Variants in ACLY observed in about 807,000 individuals in gnomAD.
The protein encoded by ACLY is ATP citrate lyase.
Under a neutral mutation model 133.0 loss-of-function variants are expected in ACLY, and 41 were observed. The ratio of observed to expected loss-of-function variants is 0.31; its 90% confidence interval spans 0.24 to 0.40. The LOEUF (loss-of-function observed/expected upper bound fraction) is 0.40, where lower values mean the gene tolerates loss of function less well. Ranked by LOEUF, ACLY falls within the 10% of genes least tolerant of loss-of-function variation. The pLI is 1.00. For synonymous variants in ACLY, 495 were observed against 549.3 expected (o/e 0.90, Z 1.38); for missense variants, 1,046 against 1,453.8 (o/e 0.72, Z 4.56).
In ACLY at chr17:41,927,285, T is replaced by C. The variant is rs192961012; in HGVS notation, c.-28+3073A>G. On this transcript the variant is annotated intron_variant, in intron 1 of 3. Coordinates refer to the ACLY transcript ENST00000592970. ...TACTCCTTTGTAATCTACCCCTCAC[T>C]TCCCTACTGCCATGTTCCCAGGCAG... Among the ~76,000 whole-genome samples, 8 of 152,292 alleles carry C rather than the reference T, an allele frequency of 5.3e-5. No individual in the cohort carries two copies. The East Asian group carries it at 1.5e-3, about 29-fold the overall frequency.
intron 20 of ACLY, among the ~76,000 whole-genome samples, chr17:41,881,416 CAAAAAAAA>C (rs34173466): frequency 4.8e-5 from 2 of 41,592 alleles, no homozygotes; most frequent in East Asian, 7.9e-4. Context: ...GACTCCGTCT[CAAAAAAAA>C]AAAAAAAAAA....
rs139170687 is a variant in ACLY, at chr17:41,928,622, C to A, written c.-28+1736G>T. Among the ~76,000 whole-genome samples the A allele has an allele frequency of 2.5e-3, 379 of 151,312 alleles. 3 individuals carry two copies. The highest frequency in any genetic ancestry group is 8.8e-3 in the African/African-American group (364 of 41,220). ...ATCCCAGCACTTTGAGAGGCTGAGG[C>A]GGGCAGATCACCTGAGGTCAGGAGT... is the stretch of plus-strand genomic sequence containing the variant. On this transcript the variant is annotated intron_variant, in intron 1 of 3. Transcript: ENST00000592970.
At chr17:41,889,554 A>AAAAAAAAAAAAAT (rs2049149432) in intron 16 of ACLY, among the ~76,000 whole-genome samples, 1 of 150,024 alleles carries the variant, frequency 6.7e-6, no homozygotes, top group East Asian at 1.9e-4. Flanking sequence ...AAAAAAAAAA[A>AAAAAAAAAAAAAT]AAGAAGTAGC....
rs1051323656 is a variant in ACLY, at chr17:41,884,641, T to C, written c.2073-367A>G. Reference sequence around the variant, plus strand: ...GGCTCACGCCTGTAATCCCAGCACTTTGGGAGGCCCAGGAGGGTGGATCAC... The same window carrying C: ...GGCTCACGCCTGTAATCCCAGCACTCTGGGAGGCCCAGGAGGGTGGATCAC... On this transcript the variant is annotated intron_variant, in intron 18 of 28. Coordinates refer to ENST00000352035, the MANE Select transcript of ACLY (RefSeq NM_001096.3). Among the ~76,000 whole-genome samples, 7 of 152,090 alleles carry C rather than the reference T, an allele frequency of 4.6e-5. No individual in the cohort carries two copies. In the East Asian group the frequency reaches 9.6e-4, roughly 21 times the overall value.
intron 8 of ACLY, 52 bp downstream of exon 8, chr17:41,906,476 T>C: frequency 1.3e-6 from 2 of 1,525,538 alleles, no homozygotes; most frequent in South Asian, 1.1e-5. Flanking sequence ...TACACACATG[T>C]TGATGCTGGG....
chr17:41,895,945 A>G (rs1463827580), intron 14 of ACLY, among the ~76,000 whole-genome samples: 7 of 152,326 alleles, frequency 4.6e-5, no homozygotes, highest in African/African-American at 1.7e-4. Context: ...GCGCATGCAC[A>G]GAAGTATCCA....
intron 3 of ACLY, among the ~76,000 whole-genome samples, chr17:41,912,121 A>G (rs1332268216): frequency 1.3e-5 from 2 of 152,068 alleles, no homozygotes; most frequent in African/African-American, 4.8e-5. Flanking sequence ...CAAAAAAAAA[A>G]AAAAAAAGAA....
intron 10 of ACLY, among the ~76,000 whole-genome samples, chr17:41,903,723 G>A (rs71373465): frequency 2.4e-5 from 3 of 124,400 alleles, no homozygotes; most frequent in African/African-American, 6.4e-5. Context: ...GCCACTGCAC[G>A]CCAGCCTGGG....
chr17:41,904,313 AGAAGGAAAGG>A (rs146848184), intron 10 of ACLY: 19,626 of 138,126 alleles, frequency 0.14, 1,533 homozygotes, highest in East Asian at 0.17. Context: ...AAGAAAGGGA[AGAAGGAAAGG>A]GAAGGAAGGG....
chr17:41,927,731 C>G (rs1295196727), intron 1 of ACLY, among the ~76,000 whole-genome samples: 1 of 151,470 alleles, frequency 6.6e-6, no homozygotes, highest in Non-Finnish European at 1.5e-5. Flanking sequence ...GAGGCGGAGG[C>G]AGAAGAATCA....
In ACLY at chr17:41,897,837, C is replaced by T. The variant is rs1555630716; in HGVS notation, c.1341G>A (p.Thr447=). The T allele has an allele frequency of 6.8e-6, 11 of 1,612,676 alleles. No homozygotes were observed. The East Asian group carries it at 2.2e-4, about 33-fold the overall frequency. ...FLLNASGSTS[T]PAPSRTASFS... ...AAGATGCTGTCCTGCTGGGGGCTGG[C>T]GTCTGGGGTGAGATAAGGAGAGAGT... Residue 447 remains threonine (T), a splice_region_variant and synonymous_variant, in exon 13 of 29, where the codon ACG becomes ACA. Coordinates refer to ENST00000352035, the MANE Select transcript of ACLY (RefSeq NM_001096.3).
At position 41,895,674 on chromosome 17, in the gene ACLY, G is replaced by A. The variant is rs111479241; in HGVS notation, c.1459+946C>T. On this transcript the variant is annotated intron_variant, in intron 14 of 28. Coordinates refer to ENST00000352035, the MANE Select transcript of ACLY (RefSeq NM_001096.3). ...GAGAGCTCCTGGAGAACCAGGGCTG[G>A]TCCCTGTTCTTTCCACACTGGGCTC... Among the ~76,000 whole-genome samples the A allele has an allele frequency of 5.9e-3, 902 of 152,316 alleles. 8 individuals carry two copies. The highest frequency in any genetic ancestry group is 0.021 in the African/African-American group (871 of 41,564).
chr17:41,924,737 T>G (rs2050221987), intron 1 of ACLY, among the ~76,000 whole-genome samples: 1 of 152,128 alleles, frequency 6.6e-6, no homozygotes, highest in Non-Finnish European at 1.5e-5. Context: ...GCTGGAGGGA[T>G]GGCTAGTTCC....
chr17:41,883,582 CTTTTTTTTTTTTTTTTTTTTGA>C (rs1401607184), intron 19 of ACLY, among the ~76,000 whole-genome samples: 2 of 88,924 alleles, frequency 2.2e-5, no homozygotes, highest in Non-Finnish European at 4.3e-5. Context: ...TTTTTTTTTG[CTTTTTTTTTTTTTTTTTTTTGA>C]GACGGAGTCT....
In ACLY at chr17:41,910,387, C is replaced by T; in HGVS notation, c.283-103G>A. On this transcript the variant is annotated intron_variant, in intron 3 of 28. Coordinates refer to ENST00000352035, the MANE Select transcript of ACLY (RefSeq NM_001096.3). ...GGGTGGTGCCCAAGCACTCCCACCACCACACCCAGCAAAGAGAGATTTTTC... is the reference window on the plus strand; with the variant it reads ...GGGTGGTGCCCAAGCACTCCCACCATCACACCCAGCAAAGAGAGATTTTTC... 3.2e-6 allele frequency: 3 copies of T among 934,212 alleles called. No individual in the cohort carries two copies. In the South Asian group the frequency reaches 4.4e-5, roughly 14 times the overall value. 57.9% of individuals were successfully genotyped at this position (934,212 alleles called of 1,614,324 possible). A position where few individuals can be genotyped will look rare whatever the true frequency, so the allele number is the denominator to read the frequency against.
chr17:41,882,397 A>AAAAAAAAAAAAT (rs2048942053), intron 20 of ACLY, among the ~76,000 whole-genome samples: 2 of 144,458 alleles, frequency 1.4e-5, no homozygotes, highest in Non-Finnish European at 3.0e-5. Flanking sequence ...AAAAAAAAAA[A>AAAAAAAAAAAAT]GTTGTTTCCA....
intron 25 of ACLY, among the ~76,000 whole-genome samples, chr17:41,871,331 C>G (rs2048591011): frequency 6.6e-6 from 1 of 152,006 alleles, no homozygotes; most frequent in Non-Finnish European, 1.5e-5. Context: ...TATCACCACC[C>G]ACCCAGTAGA....
At chr17:41,926,267 C>T (rs747583969) in intron 1 of ACLY, among the ~76,000 whole-genome samples, 10 of 152,218 alleles carry the variant, frequency 6.6e-5, no homozygotes, top group Non-Finnish European at 8.8e-5. Context: ...CACTCTTTAT[C>T]CTGCTAATCG....
intron 3 of ACLY, among the ~76,000 whole-genome samples, chr17:41,911,981 C>G (rs1274823253): frequency 6.6e-6 from 1 of 151,922 alleles, no homozygotes; most frequent in East Asian, 1.9e-4. Flanking sequence ...AAGTATGGTG[C>G]TGCATGCCTG....
Sources: gnomAD v4.1 joint callset for allele counts (sites outside exome capture counted in the v4.1 genomes callset) on GRCh38, gnomAD v4.1.1 for gene constraint, MANE v1.5 for transcripts, NCBI Gene and HGNC (gene_info 2026-07-23, HGNC 2026-07-21) for gene names.